The following STPG2 variants were observed in gnomAD, a reference collection of about 807,000 sequenced individuals.
The protein encoded by STPG2 is sperm-tail PG-rich repeat-containing protein 2.
In STPG2, 56 loss-of-function variants were observed where a neutral mutation model predicts 54.2. The observed-to-expected ratio is 1.03, with a 90% CI of 0.83 to 1.29. The LOEUF (loss-of-function observed/expected upper bound fraction) is 1.29. STPG2 is among the 50% of genes most tolerant of loss of function. STPG2 has a pLI of 0.00. For missense variants in STPG2, 596 were observed against 544.9 expected (o/e 1.09, Z -0.93); for synonymous variants, 200 against 181.8 (o/e 1.10, Z -0.81).
chr4:97,572,255 C>T (rs1732619441), intron 10 of STPG2, among the ~76,000 whole-genome samples: 1 of 152,078 alleles, frequency 6.6e-6, no homozygotes, highest in South Asian at 2.1e-4. Context: ...GTAAGAAATA[C>T]CTGTACTCTC....
chr4:98,109,166 A>T (rs1332379745), intron 4 of STPG2, 27 bp downstream of exon 4: 9 of 1,342,824 alleles, frequency 6.7e-6, no homozygotes, highest in Non-Finnish European at 9.3e-6. Context: ...GAGCTACATT[A>T]AAGGTATACT....
At chr4:97,560,465 G>T (rs1352764624) in intron 10 of STPG2, among the ~76,000 whole-genome samples, 1 of 152,134 alleles carries the variant, frequency 6.6e-6, no homozygotes, top group South Asian at 2.1e-4. Context: ...GAGAGGGAAA[G>T]AACTAGGTAC....
chr4:97,462,322 A>C (rs2148808909), intron 4 of STPG2, among the ~76,000 whole-genome samples: 1 of 152,084 alleles, frequency 6.6e-6, no homozygotes, highest in African/African-American at 2.4e-5. Flanking sequence ...TATAAATCTT[A>C]ATATTTGGTA....
At chr4:97,963,874 T>C (rs915099023) in intron 7 of STPG2, among the ~76,000 whole-genome samples, 2 of 152,098 alleles carry the variant, frequency 1.3e-5, no homozygotes, top group Admixed American at 1.3e-4. Flanking sequence ...TTAGAGTACA[T>C]GTAGGTATGT....
chr4:97,944,489 TA>T (rs1362179761), intron 7 of STPG2, among the ~76,000 whole-genome samples: 4 of 152,094 alleles, frequency 2.6e-5, no homozygotes, highest in Non-Finnish European at 4.4e-5. Flanking sequence ...ATTGAAGATT[TA>T]AATTAATAGG....
intron 9 of STPG2, among the ~76,000 whole-genome samples, chr4:97,775,763 TATTG>T (rs1465305364): frequency 6.6e-6 from 1 of 152,146 alleles, no homozygotes. Flanking sequence ...AAGAAATCAG[TATTG>T]ATTATTATTA....
At chr4:97,464,746 G>T (rs1729748586) in intron 4 of STPG2, among the ~76,000 whole-genome samples, 1 of 152,052 alleles carries the variant, frequency 6.6e-6, no homozygotes, top group Non-Finnish European at 1.5e-5. Flanking sequence ...TAATAGTAGG[G>T]ATAAATAGTG....
At chr4:97,658,859 C>CA (rs1722293993) in intron 10 of STPG2, among the ~76,000 whole-genome samples, 1 of 152,118 alleles carries the variant, frequency 6.6e-6, no homozygotes, top group Non-Finnish European at 1.5e-5. Flanking sequence ...GAAATATACA[C>CA]AAACATTGAA....
chr4:97,784,150 A>G (rs1246661779), intron 9 of STPG2, among the ~76,000 whole-genome samples: 1 of 151,826 alleles, frequency 6.6e-6, no homozygotes, highest in African/African-American at 2.4e-5. Context: ...CCTAGGCAAC[A>G]ACAACAACAA....
chr4:98,038,666 A>C (rs935193850), intron 5 of STPG2, among the ~76,000 whole-genome samples: 1 of 152,086 alleles, frequency 6.6e-6, no homozygotes, highest in Non-Finnish European at 1.5e-5. Flanking sequence ...AAAGATACCA[A>C]AAAATAAAAC....
intron 9 of STPG2, among the ~76,000 whole-genome samples, chr4:97,810,684 A>C (rs1727707757): frequency 6.6e-6 from 1 of 152,128 alleles, no homozygotes; most frequent in Non-Finnish European, 1.5e-5. Context: ...ATGAATTCTA[A>C]ATAAAGTGTA....
intron 9 of STPG2, among the ~76,000 whole-genome samples, chr4:97,830,521 A>T (rs1224831204): frequency 6.6e-6 from 1 of 152,172 alleles, no homozygotes; most frequent in African/African-American, 2.4e-5. Context: ...TTCACACATA[A>T]CAATATTAAC....
At chr4:97,543,608 A>G (rs1207284869) in intron 4 of STPG2, among the ~76,000 whole-genome samples, 3 of 152,136 alleles carry the variant, frequency 2.0e-5, no homozygotes, top group Admixed American at 6.6e-5. Flanking sequence ...TATACTGGAT[A>G]GCAAAATTCT....
At chr4:97,533,936 T>C (rs1455088632) in intron 4 of STPG2, among the ~76,000 whole-genome samples, 2 of 152,064 alleles carry the variant, frequency 1.3e-5, no homozygotes, top group Non-Finnish European at 2.9e-5. Flanking sequence ...TGAAATGCAA[T>C]TGTTAGGTTA....
At chr4:97,943,301 C>T (rs951959188) in intron 8 of STPG2, among the ~76,000 whole-genome samples, 1 of 152,140 alleles carries the variant, frequency 6.6e-6, no homozygotes, top group African/African-American at 2.4e-5. Context: ...TAGACTCTAG[C>T]AACATTATCA....
intron 8 of STPG2, among the ~76,000 whole-genome samples, chr4:97,890,615 T>G (rs959855271): frequency 2.6e-5 from 4 of 151,856 alleles, no homozygotes; most frequent in African/African-American, 9.7e-5. Context: ...TGTCTAATAT[T>G]CAATACTACA....
intron 9 of STPG2, among the ~76,000 whole-genome samples, chr4:97,797,140 C>A (rs1381982094): frequency 6.6e-6 from 1 of 152,186 alleles, no homozygotes; most frequent in Non-Finnish European, 1.5e-5. Flanking sequence ...CAAACAGAGA[C>A]AATTTGATTT....
chr4:97,820,891 T>C (rs1260372771), intron 9 of STPG2, among the ~76,000 whole-genome samples: 1 of 152,014 alleles, frequency 6.6e-6, no homozygotes, highest in Non-Finnish European at 1.5e-5. Context: ...CTCAAACACT[T>C]CCCACCAGGC....
At chr4:97,655,076 TA>T (rs1374585814) in intron 10 of STPG2, among the ~76,000 whole-genome samples, 1 of 152,092 alleles carries the variant, frequency 6.6e-6, no homozygotes, top group Non-Finnish European at 1.5e-5. Context: ...TGATTTTCAC[TA>T]CTTTCTACTA....
Sources: allele counts gnomAD v4.1 joint callset (sites outside exome capture counted in the v4.1 genomes callset), GRCh38; gene constraint gnomAD v4.1.1; transcripts MANE v1.5; gene names NCBI Gene and HGNC (gene_info 2026-07-23, HGNC 2026-07-21).